NLGN4X: variants seen among roughly 807,000 people sequenced by gnomAD.
The protein encoded by NLGN4X is neuroligin 4 X-linked.
Under a neutral mutation model 40.3 loss-of-function variants are expected in NLGN4X, and 3 were observed. The observed-to-expected ratio is 0.07, with a 90% CI of 0.03 to 0.19. The LOEUF (loss-of-function observed/expected upper bound fraction) is 0.19. NLGN4X is among the 10% of genes least tolerant of loss of function. The pLI, the probability that NLGN4X is intolerant of heterozygous loss-of-function variation, is 1.00. For synonymous variants in NLGN4X, 270 were observed against 306.8 expected, an observed-to-expected ratio of 0.88 and a Z score of 1.25; for missense variants, 382 against 708.3, an observed-to-expected ratio of 0.54 and a Z score of 5.23.
chrX:6,218,740 CCT>C (rs1378311173), intron 1 of NLGN4X, among the ~76,000 whole-genome samples: 3 of 111,327 alleles, frequency 2.7e-5, no homozygotes, highest in Non-Finnish European at 5.7e-5. Flanking sequence ...ATCTTCATAC[CCT>C]GTTAGTACTT....
chrX:6,151,706 G>A lies in NLGN4X; in HGVS notation c.-240C>T. 2.4e-6 allele frequency: 1 copy of A among 421,231 alleles called. No homozygotes were observed. The highest frequency in any genetic ancestry group is 3.9e-5 in the East Asian group (1 of 25,698). The allele number at this position is 421,231 out of a possible 1,213,427, so 34.7% of individuals were successfully genotyped here. A position where few individuals can be genotyped will look rare whatever the true frequency, so the allele number is the denominator to read the frequency against. On this transcript the variant is annotated 5_prime_UTR_variant, in exon 2 of 6. Transcript: ENST00000381095. ...GAAACTGGATTCCAGCAACTGCAAT[G>A]CTCCAAGGAAGCTGTGATCATCCAA...
chrX:6,036,607 GGC>G (rs1168983463), intron 2 of NLGN4X, among the ~76,000 whole-genome samples: 810 of 77,996 alleles, frequency 0.01, 7 homozygotes, highest in African/African-American at 0.024. Context: ...GCTTGTGGCT[GGC>G]GCACACACAC....
At chrX:5,965,538 C>T (rs1282831310) in intron 3 of NLGN4X, among the ~76,000 whole-genome samples, 1 of 112,005 alleles carries the variant, frequency 8.9e-6, no homozygotes. Context: ...CTAAGAGAGA[C>T]TGTCAAGACA....
intron 2 of NLGN4X, among the ~76,000 whole-genome samples, chrX:6,146,965 T>C (rs1385736227): frequency 1.8e-5 from 2 of 110,632 alleles, no homozygotes; most frequent in African/African-American, 6.6e-5. Context: ...TAATTTTTTG[T>C]ATTTGTAGTA....
At chrX:6,003,341 G>A (rs2036019499) in intron 3 of NLGN4X, among the ~76,000 whole-genome samples, 1 of 112,365 alleles carries the variant, frequency 8.9e-6, no homozygotes, top group Non-Finnish European at 1.9e-5. Flanking sequence ...TGTTACCTAG[G>A]TTTTGCTCTA....
chrX:5,958,771 T>C (rs139453833), intron 3 of NLGN4X, among the ~76,000 whole-genome samples: 377 of 111,955 alleles, frequency 3.4e-3, no homozygotes, highest in African/African-American at 0.012. Context: ...TTTCCCTATG[T>C]AGAAACCAGG....
chrX:5,948,336 T>G (rs1175717623), intron 3 of NLGN4X, among the ~76,000 whole-genome samples: 2 of 112,440 alleles, frequency 1.8e-5, no homozygotes, highest in Non-Finnish European at 3.8e-5. Context: ...AATATATTTC[T>G]GTAATTATAT....
intron 3 of NLGN4X, among the ~76,000 whole-genome samples, chrX:5,955,216 C>G (rs2034454906): frequency 9.0e-6 from 1 of 111,461 alleles, no homozygotes. Flanking sequence ...CACTTAGTAT[C>G]ATGAGAGAGC....
At chrX:6,174,331 A>T (rs966794314) in intron 1 of NLGN4X, among the ~76,000 whole-genome samples, 2 of 111,944 alleles carry the variant, frequency 1.8e-5, no homozygotes, top group Non-Finnish European at 3.8e-5. Flanking sequence ...TCTTGCTGAG[A>T]TTGTAAATTA....
intron 2 of NLGN4X, among the ~76,000 whole-genome samples, chrX:6,140,756 T>TC (rs2039933343): frequency 9.4e-6 from 1 of 106,814 alleles, no homozygotes; most frequent in Non-Finnish European, 1.9e-5. Flanking sequence ...TTTTTTTTTT[T>TC]CTGGTAAGGA....
At position 5,960,215 on chromosome X, in the gene NLGN4X, AAAGC is replaced by A. The variant is rs2034613452; in HGVS notation, c.626-50980_626-50977del. ...AATTTCCATATTAAAAACAGTAAAT[AAAGC>A]AAGTTGCAGAGTAGTATAATTAATA... On this transcript the variant is annotated intron_variant, in intron 3 of 5. Coordinates refer to ENST00000381095, the MANE Select transcript of NLGN4X (RefSeq NM_181332.3). Among the ~76,000 whole-genome samples, 3 of 109,289 alleles carry A rather than the reference AAAGC, an allele frequency of 2.7e-5. No individual in the cohort carries two copies. In the Admixed American group the frequency reaches 3.0e-4, roughly 11 times the overall value. The allele number at this position is 109,289 out of a possible 115,157, so 94.9% of individuals were successfully genotyped here.
chrX:5,940,696 A>G (rs1308976425), intron 3 of NLGN4X, among the ~76,000 whole-genome samples: 1 of 110,460 alleles, frequency 9.1e-6, no homozygotes, highest in Non-Finnish European at 1.9e-5. Context: ...ATTATAACCT[A>G]TCATGGTAGC....
At chrX:6,217,769 A>G (rs2147894277) in intron 1 of NLGN4X, among the ~76,000 whole-genome samples, 1 of 111,467 alleles carries the variant, frequency 9.0e-6, no homozygotes, top group Admixed American at 9.6e-5. Context: ...ACTTCCATGT[A>G]ACTTGTTACC....
At chrX:6,116,414 TTTTTTTTTTTTTTTTTTTTG>T (rs2039300575) in intron 2 of NLGN4X, among the ~76,000 whole-genome samples, 1 of 37,382 alleles carries the variant, frequency 2.7e-5, no homozygotes, top group South Asian at 2.5e-3. Flanking sequence ...TTTTTTTTTT[TTTTTTTTTTTTTTTTTTTTG>T]AGACAGCGTC....
At chrX:5,895,132 T>A (rs980028997) in intron 5 of NLGN4X, among the ~76,000 whole-genome samples, 12 of 112,459 alleles carry the variant, frequency 1.1e-4, no homozygotes, top group African/African-American at 3.9e-4. Context: ...TGAAGGAAGA[T>A]TTTATCCCCT....
rs957288138 is a variant in NLGN4X, at chrX:5,941,169, G to A, written c.626-31930C>T. ...AAAAGATAAAACGTTGTTCTGGATC[G>A]TATGCTAGGGGGTGTGTGTGTGTGT... On this transcript the variant is annotated intron_variant, in intron 3 of 5. Transcript: ENST00000381095. Among the ~76,000 whole-genome samples, 6 of 76,866 alleles carry A rather than the reference G, an allele frequency of 7.8e-5. 1 individual carries two copies. Among genetic ancestry groups the A allele is most frequent in the African/African-American group, 2.7e-4 (6 of 21,962 alleles). 66.7% of individuals were successfully genotyped at this position (76,866 alleles called of 115,157 possible). A position where few individuals can be genotyped will look rare whatever the true frequency, so the allele number is the denominator to read the frequency against.
chrX:6,038,002 G>A (rs888104166), intron 2 of NLGN4X, among the ~76,000 whole-genome samples: 8 of 111,614 alleles, frequency 7.2e-5, no homozygotes, highest in Admixed American at 5.7e-4. Flanking sequence ...ATGCAGTCCC[G>A]ACTAAGACAG....
intron 3 of NLGN4X, chrX:5,991,478 G>A (rs1362719482): frequency 5.8e-6 from 3 of 520,937 alleles, no homozygotes; most frequent in Non-Finnish European, 1.1e-5. Context: ...TGCAGGTGCA[G>A]CTGACAACGA....
At chrX:5,896,113 C>A (rs1485362069) in intron 5 of NLGN4X, among the ~76,000 whole-genome samples, 4 of 111,602 alleles carry the variant, frequency 3.6e-5, no homozygotes, top group African/African-American at 1.3e-4. Flanking sequence ...TGTGTGGCTA[C>A]CTCATCTATT....
Sources: gnomAD v4.1 joint callset for allele counts (sites outside exome capture counted in the v4.1 genomes callset) on GRCh38, gnomAD v4.1.1 for gene constraint, MANE v1.5 for transcripts, NCBI Gene and HGNC (gene_info 2026-07-23, HGNC 2026-07-21) for gene names.